The following SPON1 variants were observed in gnomAD, a reference collection of about 807,000 sequenced individuals.
The protein encoded by SPON1 is spondin-1.
A neutral mutation model predicts 111.7 loss-of-function variants in SPON1; 52 were observed. The observed-to-expected ratio is 0.47, with a 90% CI of 0.37 to 0.59. The LOEUF is 0.59. SPON1 is among the 20% of genes least tolerant of loss of function. The probability of loss-of-function intolerance (pLI) is 0.00; values close to 1 mark genes in which losing one functional copy is unlikely to be tolerated. For missense variants in SPON1, 957 were observed against 1,068.5 expected, an observed-to-expected ratio of 0.90 and a Z score of 1.46; for synonymous variants, 410 against 395.8, an observed-to-expected ratio of 1.04 and a Z score of -0.43.
chr11:14,034,441 A>G (rs781963693), intron 2 of SPON1, among the ~76,000 whole-genome samples: 3 of 152,214 alleles, frequency 2.0e-5, no homozygotes, highest in East Asian at 1.9e-4. Flanking sequence ...AGGTTCTGAT[A>G]GTGCAAGGCT....
At chr11:14,179,913 C>T (rs1254314706) in intron 6 of SPON1, among the ~76,000 whole-genome samples, 1 of 152,066 alleles carries the variant, frequency 6.6e-6, no homozygotes, top group African/African-American at 2.4e-5. Flanking sequence ...ATGTATTTGT[C>T]TCTACTTCCT....
At chr11:14,199,688 C>T (rs1351097399) in intron 6 of SPON1, among the ~76,000 whole-genome samples, 1 of 152,192 alleles carries the variant, frequency 6.6e-6, no homozygotes, top group East Asian at 1.9e-4. Context: ...CAGCTGTGGT[C>T]CTGCACCTTT....
At chr11:14,222,133 G>C (rs2133907253) in intron 6 of SPON1, among the ~76,000 whole-genome samples, 1 of 152,344 alleles carries the variant, frequency 6.6e-6, no homozygotes, top group African/African-American at 2.4e-5. Flanking sequence ...TTCTGACAAA[G>C]CTTTGTGTAA....
intron 6 of SPON1, among the ~76,000 whole-genome samples, chr11:14,152,191 T>TTG (rs1564916585): frequency 6.6e-6 from 1 of 152,192 alleles, no homozygotes; most frequent in Non-Finnish European, 1.5e-5. Context: ...GTCTGTTGAA[T>TTG]TGAGTTGAAT....
chr11:14,022,203 T>C (rs1848485818), intron 2 of SPON1, among the ~76,000 whole-genome samples: 1 of 152,238 alleles, frequency 6.6e-6, no homozygotes, highest in African/African-American at 2.4e-5. Flanking sequence ...ATTTGGTTAT[T>C]TTTAAGTGCA....
At chr11:14,030,601 C>T (rs1453210846) in intron 2 of SPON1, among the ~76,000 whole-genome samples, 1 of 152,086 alleles carries the variant, frequency 6.6e-6, no homozygotes, top group East Asian at 1.9e-4. Flanking sequence ...TGAAGAGATG[C>T]TAATGCAAAA....
chr11:14,178,501 C>G (rs543553491), intron 6 of SPON1, among the ~76,000 whole-genome samples: 1 of 152,110 alleles, frequency 6.6e-6, no homozygotes, highest in African/African-American at 2.4e-5. Flanking sequence ...AATCCCTACC[C>G]TCACTCGCGA....
Position 14,228,614 on chromosome 11 carries a change from G to A in SPON1, c.826-14718G>A, listed in dbSNP as rs1367020249. On this transcript the variant is annotated intron_variant, in intron 6 of 15. Coordinates refer to ENST00000576479, the MANE Select transcript of SPON1 (RefSeq NM_006108.4). The surrounding 1 kb of genome is among the most constrained non-coding windows in gnomAD (Gnocchi z 4.2). ...CACTGGATGAGGGTCACCCTGGAAG[G>A]AAGTTTGACCTCACATTAGGCTGTG... Among the ~76,000 whole-genome samples, 1 of 152,080 alleles carries A rather than the reference G, an allele frequency of 6.6e-6. No homozygotes were observed. Among genetic ancestry groups the A allele is most frequent in the African/African-American group, 2.4e-5 (1 of 41,426 alleles).
rs139058669 is a variant in SPON1, at chr11:14,051,899, C to A, written c.479+10245C>A. Among the ~76,000 whole-genome samples, 717 of 152,250 alleles carry A rather than the reference C, an allele frequency of 4.7e-3. 5 individuals carry two copies. Among genetic ancestry groups the A allele is most frequent in the Middle Eastern group, 0.01 (3 of 294 alleles). On this transcript the variant is annotated intron_variant, in intron 3 of 15. Coordinates refer to ENST00000576479, the MANE Select transcript of SPON1 (RefSeq NM_006108.4). ...TCATAAAAGCCCTATAGAATTTTCA[C>A]TATATTATTCCCATTTTGTTCATAA...
At chr11:14,161,237 T>TTA (rs200834992) in intron 6 of SPON1, among the ~76,000 whole-genome samples, 22,512 of 51,568 alleles carry the variant, frequency 0.44, 5,514 homozygotes, top group East Asian at 0.64. Flanking sequence ...ATTTATATAT[T>TTA]TATATATCTA....
In SPON1 at chr11:13,964,825, C is replaced by T. The variant is rs74361853; in HGVS notation, c.238+1683C>T. ...GCGGGTATGACTTCAGTGGCCTATTCGGCCCTCCCCAAAACTGAGGACCTG... is the reference window on the plus strand; with the variant it reads ...GCGGGTATGACTTCAGTGGCCTATTTGGCCCTCCCCAAAACTGAGGACCTG... On this transcript the variant is annotated intron_variant, in intron 1 of 15. Transcript: ENST00000576479. Among the ~76,000 whole-genome samples the T allele has an allele frequency of 9.1e-3, 1,380 of 152,228 alleles. 19 individuals are homozygous for T. Among genetic ancestry groups the T allele is most frequent in the African/African-American group, 0.031 (1,306 of 41,546 alleles).
intron 5 of SPON1, among the ~76,000 whole-genome samples, chr11:14,132,055 A>G (rs1459647430): frequency 6.6e-6 from 1 of 152,126 alleles, no homozygotes; most frequent in East Asian, 1.9e-4. Context: ...AAGGCGGGCA[A>G]ATCACAAGGT....
chr11:14,149,919 G>C (rs919005995), intron 6 of SPON1, among the ~76,000 whole-genome samples: 1 of 115,978 alleles, frequency 8.6e-6, no homozygotes, highest in African/African-American at 3.0e-5. Context: ...AGTGAGGCAT[G>C]ACTGGGAAAT....
chr11:14,189,624 C>T (rs1334745634), intron 6 of SPON1, among the ~76,000 whole-genome samples: 2 of 152,158 alleles, frequency 1.3e-5, no homozygotes, highest in Non-Finnish European at 2.9e-5. Flanking sequence ...AACTTCTTTC[C>T]CGATTGTCTC....
chr11:13,974,911 A>G (rs1005756204), intron 1 of SPON1, among the ~76,000 whole-genome samples: 1 of 152,216 alleles, frequency 6.6e-6, no homozygotes, highest in Admixed American at 6.5e-5. Flanking sequence ...CTTATGAAAT[A>G]CAGAATCAGT....
chr11:14,007,216 C>T (rs1554913238), intron 2 of SPON1, among the ~76,000 whole-genome samples: 1 of 152,164 alleles, frequency 6.6e-6, no homozygotes, highest in Non-Finnish European at 1.5e-5. Flanking sequence ...TTGAATGCCG[C>T]CACTTACTTG....
chr11:14,066,080 G>T (rs1426231166), intron 3 of SPON1, among the ~76,000 whole-genome samples: 1 of 152,194 alleles, frequency 6.6e-6, no homozygotes. Flanking sequence ...CCTGCCAGTT[G>T]TCCCTTGACT....
At chr11:14,054,596 T>C (rs1203189570) in intron 3 of SPON1, among the ~76,000 whole-genome samples, 1 of 151,044 alleles carries the variant, frequency 6.6e-6, no homozygotes, top group Non-Finnish European at 1.5e-5. Flanking sequence ...AGTCAGAGGG[T>C]GTTTTGTGGT....
At chr11:14,091,620 G>C (rs1412767377) in intron 5 of SPON1, among the ~76,000 whole-genome samples, 3 of 152,172 alleles carry the variant, frequency 2.0e-5, no homozygotes, top group Admixed American at 6.5e-5. Context: ...CGCCTGCTCC[G>C]AGTGCGGAGC....
Sources: gnomAD v4.1 joint callset for allele counts (sites outside exome capture counted in the v4.1 genomes callset) on GRCh38, gnomAD v4.1.1 for gene constraint, Gnocchi (gnomAD v3.1) non-coding constraint, MANE v1.5 for transcripts, NCBI Gene and HGNC (gene_info 2026-07-23, HGNC 2026-07-21) for gene names.